Variants in ANKFN1 observed in about 807,000 individuals in gnomAD.
The protein encoded by ANKFN1 is ankyrin repeat and fibronectin type III domain containing 1.
ANKFN1 carries 74 observed loss-of-function variants against 108.7 expected under a neutral mutation model. The observed-to-expected ratio is 0.68, with a 90% CI of 0.56 to 0.83. The LOEUF is 0.83. Among genes scored for constraint, ANKFN1 ranks in the 40% least tolerant of loss-of-function variants. ANKFN1 has a pLI of 0.00. For missense variants in ANKFN1, 1,505 were observed against 1,382.3 expected (o/e 1.09, Z -1.41); for synonymous variants, 547 against 516.2 (o/e 1.06, Z -0.81).
At chr17:56,467,787 GAAAGAAGAAAGAAAGAAAGAAAGA>G (rs1212167600) in intron 15 of ANKFN1, among the ~76,000 whole-genome samples, 62 of 75,540 alleles carry the variant, frequency 8.2e-4, no homozygotes, top group Admixed American at 2.1e-3. Flanking sequence ...AAGAAAGAAA[GAAAGAAGAAAGAAAGAAAGAAAGA>G]AAGAAAGAAA....
chr17:56,094,982 TAGCAG>T (rs1445547523), intron 4 of ANKFN1, among the ~76,000 whole-genome samples: 1 of 151,174 alleles, frequency 6.6e-6, no homozygotes, highest in Non-Finnish European at 1.5e-5. Flanking sequence ...TAATTACAAA[TAGCAG>T]TAAGGGTTAA....
intron 8 of ANKFN1, among the ~76,000 whole-genome samples, chr17:56,394,007 A>C (rs975197569): frequency 2.0e-5 from 3 of 152,254 alleles, no homozygotes; most frequent in African/African-American, 7.2e-5. Flanking sequence ...TGAACAGACT[A>C]AACACAGTCC....
intron 4 of ANKFN1, among the ~76,000 whole-genome samples, chr17:56,103,816 G>A (rs967600109): frequency 6.6e-6 from 1 of 152,190 alleles, no homozygotes; most frequent in African/African-American, 2.4e-5. Flanking sequence ...GCCCATCCAG[G>A]AAGCAGCAGT....
chr17:56,232,083 C>T (rs1344106211), intron 3 of ANKFN1, among the ~76,000 whole-genome samples: 1 of 152,136 alleles, frequency 6.6e-6, no homozygotes, highest in Non-Finnish European at 1.5e-5. Context: ...GAAGCTGACT[C>T]CTTCCCCACA....
chr17:56,510,563 G>A lies in ANKFN1; in HGVS notation c.2735G>A (p.Arg912Lys). 1.3e-6 allele frequency: 2 copies of A among 1,536,162 alleles called. No individual in the cohort carries two copies. The highest frequency in any genetic ancestry group is 2.4e-5 in the East Asian group (1 of 40,922). ...DYDSSDALSP[R>K]DLDLVYLSSH... ...GACTCCAGCGATGCCCTGAGCCCCA[G>A]AGACCTGGACCTGGTCTACCTATCA... Residue 912 changes from arginine to lysine, a missense_variant, in exon 21 of 21, where the codon AGA becomes AAA. Coordinates refer to ENST00000682825, the MANE Select transcript of ANKFN1 (RefSeq NM_001370326.1).
intron 9 of ANKFN1, 128 bp from the exon 10 acceptor site, chr17:56,442,714 TG>T: frequency 2.7e-6 from 2 of 736,544 alleles, no homozygotes; most frequent in Non-Finnish European, 4.3e-6. Context: ...TGAACTCTGT[TG>T]CATGGGCAAC....
At chr17:56,448,199 G>T (rs1006778743) in intron 10 of ANKFN1, among the ~76,000 whole-genome samples, 1 of 151,672 alleles carries the variant, frequency 6.6e-6, no homozygotes, top group African/African-American at 2.4e-5. Context: ...GTTGCTTTCT[G>T]TTTTTTCCTC....
chr17:56,426,407 C>T (rs989561423), intron 8 of ANKFN1, among the ~76,000 whole-genome samples: 10 of 152,162 alleles, frequency 6.6e-5, no homozygotes, highest in African/African-American at 2.4e-4. Context: ...TTATTGGATA[C>T]CTACTATGTG....
rs3052391 is a variant in ANKFN1, at chr17:56,503,486, C to CATATATATAT, written c.2644+4422_2644+4431dup. 7.1e-3 allele frequency among the ~76,000 whole-genome samples: 578 copies of CATATATATAT among 81,418 alleles called. 18 individuals are homozygous for CATATATATAT. Among genetic ancestry groups the CATATATATAT allele is most frequent in the African/African-American group, 0.016 (219 of 13,814 alleles). 53.4% of individuals were successfully genotyped at this position (81,418 alleles called of 152,430 possible). A position where few individuals can be genotyped will look rare whatever the true frequency, so the allele number is the denominator to read the frequency against. ...AATAAATTCACTGAAGCACAAATTTCATATATATATATATATATATATATA... is the reference window on the plus strand; with the variant it reads ...AATAAATTCACTGAAGCACAAATTTCATATATATATATATATATATATATATATATATATA... On this transcript the variant is annotated intron_variant, in intron 20 of 20. Coordinates refer to ENST00000682825, the MANE Select transcript of ANKFN1 (RefSeq NM_001370326.1).
chr17:56,384,580 A>G (rs2047206268), intron 8 of ANKFN1, among the ~76,000 whole-genome samples: 1 of 152,220 alleles, frequency 6.6e-6, no homozygotes, highest in Admixed American at 6.5e-5. Context: ...AGAAAACCCC[A>G]TTGTCTCAGC....
rs2051716418 is a variant in ANKFN1 at position 56,510,616 on chromosome 17, A to T, written c.2788A>T (p.Ser930Cys). ...TCACGACATTGCGCAGCAGACCCTTAGCGGCCTAAGCGGCAGCGCCCCCGA... is the reference window on the plus strand; with the variant it reads ...TCACGACATTGCGCAGCAGACCCTTTGCGGCCTAAGCGGCAGCGCCCCCGA... ...SSHDIAQQTL[S>C]GLSGSAPDVL... The change falls in exon 21 of 21, where the codon AGC (serine) becomes TGC (cysteine). Residue 930 changes from serine (S) to cysteine (C), a missense_variant. Transcript: ENST00000682825. The T allele has an allele frequency of 6.5e-7, 1 of 1,536,028 alleles. No individual in the cohort carries two copies. Among genetic ancestry groups the T allele is most frequent in the African/African-American group, 1.4e-5 (1 of 73,048 alleles).
intron 3 of ANKFN1, among the ~76,000 whole-genome samples, chr17:56,309,852 A>C (rs2044958429): frequency 6.6e-6 from 1 of 152,212 alleles, no homozygotes; most frequent in African/African-American, 2.4e-5. Context: ...CTCTCAAAAT[A>C]TCTTATTGCA....
chr17:56,439,030 C>G (rs1041052107), intron 8 of ANKFN1, among the ~76,000 whole-genome samples: 20 of 152,004 alleles, frequency 1.3e-4, no homozygotes, highest in Admixed American at 1.2e-3. Flanking sequence ...GTAAGGAAGG[C>G]CAAACATGGC....
rs757413195 is a variant in ANKFN1, at chr17:56,354,004, G to A, written c.559G>A (p.Ala187Thr). The A allele has an allele frequency of 1.2e-6, 2 of 1,613,960 alleles. No individual in the cohort carries two copies. Among genetic ancestry groups the A allele is most frequent in the African/African-American group, 2.7e-5 (2 of 75,038 alleles). The change falls in exon 6 of 21, where the codon GCA (alanine) becomes ACA (threonine). Residue 187 changes from alanine (A) to threonine (T), a missense_variant. By Grantham distance (58) the Ala-to-Thr change is moderately conservative. Coordinates refer to ENST00000682825, the MANE Select transcript of ANKFN1 (RefSeq NM_001370326.1). ...IAIMTNNVPI[A>T]RILLRTGARE... ...CATCATGACCAACAATGTGCCCATT[G>A]CAAGGATTCTTCTGAGGACAGGGGC...
chr17:56,445,398 C>T (rs1229452248), intron 10 of ANKFN1, among the ~76,000 whole-genome samples: 4 of 152,206 alleles, frequency 2.6e-5, no homozygotes, highest in South Asian at 2.1e-4. Flanking sequence ...TCCAGAATGA[C>T]CAGAATAGTT....
intron 6 of ANKFN1, among the ~76,000 whole-genome samples, chr17:56,362,052 A>G (rs766001624): frequency 3.3e-5 from 5 of 152,192 alleles, no homozygotes; most frequent in Non-Finnish European, 7.3e-5. Context: ...GCAAGCAGAC[A>G]TAGGTCACTG....
At chr17:56,220,796 A>G (rs866620517) in intron 2 of ANKFN1, among the ~76,000 whole-genome samples, 58 of 62,334 alleles carry the variant, frequency 9.3e-4, no homozygotes, top group African/African-American at 3.1e-3. Context: ...GGAAGGGAGG[A>G]AGGGAGGGAG....
In ANKFN1 at chr17:56,457,270, G is replaced by T; in HGVS notation, c.1321G>T (p.Ala441Ser). ...TTTTCTTTTTAGGGGACTCTACATA[G>T]CCGTTATATTTTATTACAAAGACAA... ...VKTLKRGLYI[A>S]VIFYYKDNIL... is the part of the protein sequence containing the mutation. Residue 441 changes from alanine (A) to serine (S), a missense_variant, in exon 13 of 21, where the codon GCC (alanine) becomes TCC (serine). Coordinates refer to ENST00000682825, the MANE Select transcript of ANKFN1 (RefSeq NM_001370326.1). The T allele has an allele frequency of 6.3e-7, 1 of 1,589,932 alleles. No homozygotes were observed. The highest frequency in any genetic ancestry group is 8.6e-7 in the Non-Finnish European group (1 of 1,169,300).
In ANKFN1 at chr17:56,511,345, C is replaced by A. The variant is rs1479975929; in HGVS notation, c.*76C>A. On this transcript the variant is annotated 3_prime_UTR_variant, in exon 21 of 21. Coordinates refer to ENST00000682825, the MANE Select transcript of ANKFN1 (RefSeq NM_001370326.1). ...CATCACCCTTACCCCCATCCTGCCC[C>A]ACTGTGTACCCACTCATTTTCAAGC... 50 of 1,300,562 alleles carry A rather than the reference C, an allele frequency of 3.8e-5. No individual in the cohort carries two copies. Among genetic ancestry groups the A allele is most frequent in the Non-Finnish European group, 4.7e-5 (46 of 973,556 alleles). 80.6% of individuals were successfully genotyped at this position (1,300,562 alleles called of 1,614,324 possible).
Sources: allele counts gnomAD v4.1 joint callset (sites outside exome capture counted in the v4.1 genomes callset), GRCh38; gene constraint gnomAD v4.1.1; transcripts MANE v1.5; gene names NCBI Gene and HGNC (gene_info 2026-07-23, HGNC 2026-07-21).